XG: variants seen among roughly 807,000 people sequenced by gnomAD.
XG encodes Xg glycoprotein (Xg blood group).
Under a neutral mutation model 25.7 loss-of-function variants are expected in XG, and 24 were observed. The observed-to-expected ratio is 0.93, with a 90% CI of 0.68 to 1.31. The LOEUF is 1.31. Ranked by LOEUF, XG falls within the 40% of genes most tolerant of loss-of-function variation. The probability of loss-of-function intolerance (pLI) is 0.00; values close to 1 mark genes in which losing one functional copy is unlikely to be tolerated. For synonymous variants in XG, 77 were observed against 69.2 expected, an observed-to-expected ratio of 1.11 and a Z score of -0.56; for missense variants, 181 against 187.6, an observed-to-expected ratio of 0.96 and a Z score of 0.21.
intron 3 of XG, among the ~76,000 whole-genome samples, chrX:2,777,035 A>G (rs1447166174): frequency 6.6e-6 from 1 of 152,230 alleles, no homozygotes; most frequent in Admixed American, 6.5e-5. Flanking sequence ...ATTTCCAACA[A>G]GAAGCTCTGC....
chrX:2,758,946 A>T (rs905320601), intron 1 of XG, among the ~76,000 whole-genome samples: 6 of 47,440 alleles, frequency 1.3e-4, no homozygotes, highest in African/African-American at 4.3e-4. Flanking sequence ...GTCATCTATT[A>T]TCTATCTATT....
intron 1 of XG, among the ~76,000 whole-genome samples, chrX:2,769,297 G>T (rs1163155376): frequency 2.6e-5 from 4 of 152,168 alleles, no homozygotes; most frequent in Non-Finnish European, 5.9e-5. Flanking sequence ...GGGCTCACCT[G>T]GTTCCCCCAG....
chrX:2,782,545 T>G (rs1271052267), intron 4 of XG, among the ~76,000 whole-genome samples: 1 of 110,893 alleles, frequency 9.0e-6, no homozygotes, highest in South Asian at 3.9e-4. Flanking sequence ...AGGTAGGGGC[T>G]TGGGAAGTGG....
chrX:2,806,538 C>T (rs924182243), intron 7 of XG, among the ~76,000 whole-genome samples, 163 bp from the exon 8 acceptor site: 2 of 110,829 alleles, frequency 1.8e-5, no homozygotes, highest in Non-Finnish European at 1.9e-5. Context: ...AAACAGGGGC[C>T]AGATGGCGCC....
intron 7 of XG, among the ~76,000 whole-genome samples, chrX:2,799,432 AG>A (rs772798113): frequency 1.3e-4 from 15 of 111,724 alleles, no homozygotes; most frequent in Admixed American, 6.7e-4. Context: ...TAAAGGGGAA[AG>A]GGTGGGGGTA....
At chrX:2,805,541 C>T (rs552897999) in intron 7 of XG, among the ~76,000 whole-genome samples, 2 of 105,527 alleles carry the variant, frequency 1.9e-5, no homozygotes, top group South Asian at 8.7e-4. Flanking sequence ...TTTCAGGCTG[C>T]TATCACAGAA....
At chrX:2,782,315 C>T (rs768452143) in intron 4 of XG, among the ~76,000 whole-genome samples, 187 bp downstream of exon 4, 4 of 112,392 alleles carry the variant, frequency 3.6e-5, no homozygotes, top group Middle Eastern at 4.6e-3. Flanking sequence ...TCTTATTTTC[C>T]CTTTGCTTTG....
chrX:2,801,940 CT>C (rs1384782385), intron 7 of XG, among the ~76,000 whole-genome samples: 3 of 110,823 alleles, frequency 2.7e-5, no homozygotes, highest in African/African-American at 9.8e-5. Context: ...ATCTCCTGAC[CT>C]CGTGATCCGC....
chrX:2,783,021 G>T (rs1365528954), intron 4 of XG, among the ~76,000 whole-genome samples: 1 of 111,242 alleles, frequency 9.0e-6, no homozygotes, highest in Non-Finnish European at 1.9e-5. Flanking sequence ...GAGTTGGTTA[G>T]GTCTGACCTC....
chrX:2,762,398 G>A (rs1042687617), intron 1 of XG, among the ~76,000 whole-genome samples: 1 of 152,038 alleles, frequency 6.6e-6, no homozygotes, highest in African/African-American at 2.4e-5. Context: ...AGGCTGGGCT[G>A]CTTGGATGCT....
Position 2,814,565 on chromosome X carries a change from A to G in XG, c.*185A>G, listed in dbSNP as rs1283693524. The G allele has an allele frequency of 3.8e-6, 2 of 520,884 alleles. No homozygotes were observed. Among genetic ancestry groups the G allele is most frequent in the Admixed American group, 9.4e-5 (2 of 21,314 alleles). 42.9% of individuals were successfully genotyped at this position (520,884 alleles called of 1,213,427 possible). A position where few individuals can be genotyped will look rare whatever the true frequency, so the allele number is the denominator to read the frequency against. On this transcript the variant is annotated 3_prime_UTR_variant, in exon 11 of 11. Coordinates refer to ENST00000644266, the MANE Select transcript of XG (RefSeq NM_001141919.2). ...AACTCATTGAATGTGATGTGGTTAT[A>G]AAGATAAGTTAGGCAGCTAGACCCT...
chrX:2,770,466 G>T, intron 1 of XG, 84 bp from the exon 2 acceptor site: 4 of 1,531,500 alleles, frequency 2.6e-6, no homozygotes, highest in Non-Finnish European at 3.6e-6. Context: ...CTTGCAGGAG[G>T]AGGGGAGCAG....
chrX:2,776,553 T>G (rs2534626), intron 3 of XG, among the ~76,000 whole-genome samples: 86,276 of 146,396 alleles, frequency 0.59, 23,742 homozygotes, highest in East Asian at 0.77. Context: ...GGAGTCTGGC[T>G]GGCTCTCTTA....
At chrX:2,774,771 G>A in intron 3 of XG, 32 bp downstream of exon 3, 1 of 1,613,660 alleles carries the variant, frequency 6.2e-7, no homozygotes, top group Non-Finnish European at 8.5e-7. Flanking sequence ...AAAAACTGAG[G>A]CAACGTCCTT....
At chrX:2,788,007 C>T (rs750543486) in intron 4 of XG, among the ~76,000 whole-genome samples, 2 of 110,275 alleles carry the variant, frequency 1.8e-5, no homozygotes, top group African/African-American at 3.3e-5. Context: ...ATCACTTGAG[C>T]CCAGGAGGTG....
rs754002796 is a variant in XG, at chrX:2,778,553, A to G, written c.128-3513A>G. ...CAAGACCCTGTCTCAAAAGAAAAGA[A>G]AAAAAAAGAAGAAAGAAATGAAAAC... On this transcript the variant is annotated intron_variant, in intron 3 of 10. Transcript: ENST00000644266. 1.1e-4 allele frequency among the ~76,000 whole-genome samples: 16 copies of G among 152,076 alleles called. No individual in the cohort carries two copies. In the East Asian group the frequency reaches 1.6e-3, roughly 15 times the overall value.
At chrX:2,771,803 A>G (rs2050825386) in intron 2 of XG, among the ~76,000 whole-genome samples, 1 of 152,166 alleles carries the variant, frequency 6.6e-6, no homozygotes, top group Admixed American at 6.5e-5. Context: ...TCTCTCTCCC[A>G]GTTTTCTGCA....
intron 7 of XG, among the ~76,000 whole-genome samples, chrX:2,804,408 T>A (rs1163300512): frequency 2.8e-5 from 3 of 107,987 alleles, no homozygotes; most frequent in Non-Finnish European, 3.9e-5. Context: ...TTTGCAAAGG[T>A]GGTTTCGCCA....
chrX:2,777,876 C>T (rs1199323626), intron 3 of XG, among the ~76,000 whole-genome samples: 3 of 152,026 alleles, frequency 2.0e-5, no homozygotes, highest in South Asian at 2.1e-4. Context: ...CTGGCTAACA[C>T]GGTGAAACCC....
Sources: gnomAD v4.1 joint callset for allele counts (sites outside exome capture counted in the v4.1 genomes callset) on GRCh38, gnomAD v4.1.1 for gene constraint, MANE v1.5 for transcripts, NCBI Gene and HGNC (gene_info 2026-07-23, HGNC 2026-07-21) for gene names.